Variants in XRCC4 observed in about 807,000 individuals in gnomAD.
XRCC4 encodes the protein DNA repair protein XRCC4.
XRCC4 carries 28 observed loss-of-function variants against 39.1 expected under a neutral mutation model. The ratio of observed to expected loss-of-function variants is 0.72; its 90% CI spans 0.53 to 0.98. XRCC4 has a LOEUF of 0.98. Ranked by LOEUF, XRCC4 falls within the 50% of genes least tolerant of loss-of-function variation. XRCC4 has a pLI of 0.00. For missense variants in XRCC4, 350 were observed against 376.4 expected (o/e 0.93, Z 0.58); for synonymous variants, 123 against 126.4 (o/e 0.97, Z 0.18).
intron 3 of XRCC4, among the ~76,000 whole-genome samples, chr5:83,182,984 C>G (rs994359202): frequency 2.0e-5 from 3 of 152,186 alleles, no homozygotes; most frequent in Non-Finnish European, 4.4e-5. Flanking sequence ...AGACACATCT[C>G]TTACCTTTTC....
chr5:83,207,113 A>G (rs953624900), intron 6 of XRCC4, among the ~76,000 whole-genome samples: 2 of 152,086 alleles, frequency 1.3e-5, no homozygotes, highest in Admixed American at 1.3e-4. Flanking sequence ...ATAGAGAAAA[A>G]CTTACAAAGA....
intron 6 of XRCC4, among the ~76,000 whole-genome samples, chr5:83,225,094 T>C (rs1268408823): frequency 6.6e-6 from 1 of 152,184 alleles, no homozygotes; most frequent in African/African-American, 2.4e-5. Context: ...ACTGGTCTTA[T>C]ATATGAGAAT....
At chr5:83,232,302 C>T (rs981237395) in intron 6 of XRCC4, among the ~76,000 whole-genome samples, 3 of 152,006 alleles carry the variant, frequency 2.0e-5, no homozygotes, top group African/African-American at 7.2e-5. Context: ...TGTTTGTGAA[C>T]CCCTTAAGAA....
chr5:83,353,852 A>C (rs750345926), downstream of XRCC4: 4 of 152,202 alleles, frequency 2.6e-5, no homozygotes, highest in Non-Finnish European at 5.9e-5. Flanking sequence ...ATGTAAATGT[A>C]ACCCCCTGTG....
chr5:83,344,415 CTTTTTTTTT>C (rs70973394), intron 7 of XRCC4, among the ~76,000 whole-genome samples: 3 of 115,224 alleles, frequency 2.6e-5, no homozygotes, highest in African/African-American at 3.7e-5. Context: ...TTATTTTTCA[CTTTTTTTTT>C]TTTTTTTTTT....
chr5:83,312,784 C>T (rs1755749735), intron 7 of XRCC4, among the ~76,000 whole-genome samples: 1 of 152,032 alleles, frequency 6.6e-6, no homozygotes, highest in Non-Finnish European at 1.5e-5. Context: ...TTGGTTGGTA[C>T]AGGAGTCAGC....
chr5:83,246,265 T>C (rs1203225056), intron 6 of XRCC4, among the ~76,000 whole-genome samples: 3 of 152,128 alleles, frequency 2.0e-5, no homozygotes, highest in Non-Finnish European at 4.4e-5. Context: ...ATTCCTTGGC[T>C]AAGATATCTG....
At chr5:83,286,374 A>G (rs141792425) in intron 7 of XRCC4, among the ~76,000 whole-genome samples, 116 of 152,186 alleles carry the variant, frequency 7.6e-4, no homozygotes, top group African/African-American at 2.6e-3. Flanking sequence ...ACACTTTATA[A>G]TCCAGGAAAT....
chr5:83,149,658 A>T (rs1748616084), intron 3 of XRCC4, among the ~76,000 whole-genome samples: 2 of 152,166 alleles, frequency 1.3e-5, no homozygotes, highest in South Asian at 4.1e-4. Context: ...GGTGGTGTTA[A>T]CACTGATTTA....
At chr5:83,251,747 G>A (rs2731866) in intron 6 of XRCC4, among the ~76,000 whole-genome samples, 5,974 of 152,222 alleles carry the variant, frequency 0.039, 133 homozygotes, top group East Asian at 0.11. Context: ...CATTAAGTCT[G>A]ACTTATAGCT....
At chr5:83,231,263 A>G (rs1471791370) in intron 6 of XRCC4, among the ~76,000 whole-genome samples, 7 of 151,976 alleles carry the variant, frequency 4.6e-5, no homozygotes, top group Non-Finnish European at 7.4e-5. Context: ...ATTCTTACCA[A>G]TGTTGCTCAT....
At chr5:83,147,785 ATTTCT>A (rs1367357629) in intron 3 of XRCC4, among the ~76,000 whole-genome samples, 4 of 135,430 alleles carry the variant, frequency 3.0e-5, no homozygotes, top group African/African-American at 8.9e-5. Context: ...ATGTATATAT[ATTTCT>A]TTTCTTTTTT....
chr5:83,283,948 G>A (rs1754641000), intron 7 of XRCC4, among the ~76,000 whole-genome samples: 1 of 150,260 alleles, frequency 6.7e-6, no homozygotes, highest in African/African-American at 2.5e-5. Flanking sequence ...AGTCAAGCTT[G>A]GAGAGTCTGA....
chr5:83,247,877 C>T (rs1414618607), intron 6 of XRCC4, among the ~76,000 whole-genome samples: 4 of 152,116 alleles, frequency 2.6e-5, no homozygotes, highest in Non-Finnish European at 5.9e-5. Flanking sequence ...TATTCAACTC[C>T]AGTAAGAGAA....
intron 6 of XRCC4, among the ~76,000 whole-genome samples, chr5:83,250,267 C>A (rs998395279): frequency 6.6e-6 from 1 of 152,114 alleles, no homozygotes; most frequent in African/African-American, 2.4e-5. Flanking sequence ...TAATGTTGTT[C>A]TTTCACAAAT....
intron 7 of XRCC4, among the ~76,000 whole-genome samples, chr5:83,342,933 C>G (rs1756806942): frequency 6.6e-6 from 1 of 151,990 alleles, no homozygotes; most frequent in African/African-American, 2.4e-5. Context: ...AATGGGAATT[C>G]TGTTAAGGTC....
chr5:83,315,620 G>C (rs1330539136), intron 7 of XRCC4, among the ~76,000 whole-genome samples: 4 of 152,096 alleles, frequency 2.6e-5, no homozygotes, highest in Non-Finnish European at 2.9e-5. Flanking sequence ...GGGCCCTTCA[G>C]AATTAAGCTA....
intron 6 of XRCC4, among the ~76,000 whole-genome samples, chr5:83,234,023 T>A (rs1484489281): frequency 1.3e-5 from 2 of 152,100 alleles, no homozygotes; most frequent in African/African-American, 4.8e-5. Flanking sequence ...ATACCTTTGC[T>A]CACGAATACA....
intron 6 of XRCC4, among the ~76,000 whole-genome samples, chr5:83,225,994 T>C (rs1416431941): frequency 1.3e-5 from 2 of 152,090 alleles, no homozygotes; most frequent in Non-Finnish European, 2.9e-5. Context: ...AAACTGGGGC[T>C]TTTAATGTGT....
Sources: gnomAD v4.1 joint callset for allele counts (sites outside exome capture counted in the v4.1 genomes callset) on GRCh38, gnomAD v4.1.1 for gene constraint, MANE v1.5 for transcripts, NCBI Gene and HGNC (gene_info 2026-07-23, HGNC 2026-07-21) for gene names.